The following OARD1 variants were observed in gnomAD, a reference collection of about 807,000 sequenced individuals.
OARD1 encodes the protein ADP-ribose glycohydrolase OARD1.
A neutral mutation model predicts 19.7 loss-of-function variants in OARD1; 19 were observed. The observed-to-expected ratio is 0.96, with a 90% confidence interval of 0.67 to 1.41. OARD1 has a LOEUF of 1.41. Among genes scored for constraint, OARD1 ranks in the 40% most tolerant of loss-of-function variants. The probability of loss-of-function intolerance (pLI) is 0.00; values close to 1 mark genes in which losing one functional copy is unlikely to be tolerated. For synonymous variants in OARD1, 70 were observed against 61.8 expected, an observed-to-expected ratio of 1.13 and a Z score of -0.62; for missense variants, 190 against 183.8, an observed-to-expected ratio of 1.03 and a Z score of -0.20.
chr6:41,070,398 A>G (rs1230043349), intron 3 of OARD1, among the ~76,000 whole-genome samples: 3 of 152,234 alleles, frequency 2.0e-5, no homozygotes, highest in African/African-American at 7.2e-5. Flanking sequence ...TTTTAAATAT[A>G]TCCTCATTTG....
At chr6:41,074,101 T>C (rs1763655484), upstream of OARD1, among the ~76,000 whole-genome samples, 1 of 152,226 alleles carries the variant, frequency 6.6e-6, no homozygotes. Context: ...TAGTACAGTT[T>C]TGGGGGTTTT....
At chr6:41,070,200 A>T (rs1217281825) in intron 3 of OARD1, 66 bp from the exon 4 acceptor site, 24 of 903,258 alleles carry the variant, frequency 2.7e-5, no homozygotes, top group South Asian at 4.3e-5. Flanking sequence ...TAAAGATTTT[A>T]AAATGTTTAC....
Position 41,071,256 on chromosome 6 carries a change from G to A in OARD1, c.60C>T (p.Asp20=). The change falls in exon 3 of 6, where the codon GAC becomes GAT. Residue 20 remains aspartate, a synonymous_variant. Coordinates refer to ENST00000424266, the MANE Select transcript of OARD1 (RefSeq NM_001329686.2). The part of the protein sequence containing the change: ...EGSRITYVKG[D]LFACPKTDSL... ...AGTCTGTTTTCGGGCATGCAAAAAG[G>A]TCTCCTTTCACATAAGTGATCTAAA... 6.2e-7 allele frequency: 1 copy of A among 1,614,082 alleles called. No individual in the cohort carries two copies. Among genetic ancestry groups the A allele is most frequent in the Admixed American group, 1.7e-5 (1 of 60,020 alleles).
At chr6:41,089,694 C>A (rs973567112) in intron 1 of OARD1, 5 of 1,612,464 alleles carry the variant, frequency 3.1e-6, no homozygotes, top group Non-Finnish European at 4.2e-6. Flanking sequence ...ACGGCTGTCA[C>A]TGCTGGCCAG....
At chr6:41,080,476 T>G (rs1763875480) in intron 1 of OARD1, among the ~76,000 whole-genome samples, 1 of 152,138 alleles carries the variant, frequency 6.6e-6, no homozygotes, top group Non-Finnish European at 1.5e-5. Flanking sequence ...TCTTGTGAAC[T>G]CATCTGAGGA....
intron 1 of OARD1, chr6:41,089,655 C>A: frequency 6.2e-7 from 1 of 1,612,660 alleles, no homozygotes; most frequent in Non-Finnish European, 8.5e-7. Context: ...CAGGGCCAGA[C>A]CCAGCAGATC....
rs9394761 is a variant in OARD1 at position 41,065,901 on chromosome 6, A to G, written c.*1434T>C. 1 of 152,164 alleles carries G rather than the reference A, an allele frequency of 6.6e-6. No individual in the cohort carries two copies. Among genetic ancestry groups the G allele is most frequent in the Non-Finnish European group, 1.5e-5 (1 of 68,036 alleles). 9.4% of individuals were successfully genotyped at this position (152,164 alleles called of 1,614,324 possible). On this transcript the variant is annotated 3_prime_UTR_variant, in exon 6 of 6. Coordinates refer to ENST00000424266, the MANE Select transcript of OARD1 (RefSeq NM_001329686.2). ...GCAAGTCTGGCTGTTTTAACTCTCAACACCACTGTAAGGGAAAACAAGAAA... is the reference window on the plus strand; with the variant it reads ...GCAAGTCTGGCTGTTTTAACTCTCAGCACCACTGTAAGGGAAAACAAGAAA...
chr6:41,090,422 CAAAA>C, intron 1 of OARD1: 2 of 449,550 alleles, frequency 4.4e-6, no homozygotes, highest in East Asian at 3.6e-5. Context: ...ATTTTTTGGA[CAAAA>C]AAAAAAAAGA....
rs1394360070 is a variant in OARD1 at position 41,071,587 on chromosome 6, G to A, written c.39+9C>T. On this transcript the variant is annotated intron_variant, in intron 2 of 5. Coordinates refer to ENST00000424266, the MANE Select transcript of OARD1 (RefSeq NM_001329686.2). ...TCAGTTCACCAATAAGTCAATAGTT[G>A]TTACGCACTCTGCTTCCTTCTGGAT... 1 of 1,608,596 alleles carries A rather than the reference G, an allele frequency of 6.2e-7. No individual in the cohort carries two copies. The highest frequency in any genetic ancestry group is 1.7e-5 in the Admixed American group (1 of 60,022).
rs1385678582 is a variant in OARD1 at position 41,080,879 on chromosome 6, A to G, written c.-41-9204T>C. On this transcript the variant is annotated intron_variant, in intron 1 of 4. Coordinates refer to the OARD1 transcript ENST00000480585. Reference sequence around the variant, plus strand: ...AGGTGGCATCCGCCTCAGGCCAGCAAGTCCAGACCCTCCAGGTAGTGGTAC... The same window carrying G: ...AGGTGGCATCCGCCTCAGGCCAGCAGGTCCAGACCCTCCAGGTAGTGGTAC... The G allele has an allele frequency of 1.9e-6, 3 of 1,614,018 alleles. No individual in the cohort carries two copies. In the East Asian group the frequency reaches 6.7e-5, roughly 36 times the overall value.
At position 41,065,859 on chromosome 6, in the gene OARD1, T is replaced by A. The variant is rs1363282826; in HGVS notation, c.*1476A>T. On this transcript the variant is annotated 3_prime_UTR_variant, in exon 6 of 6. Transcript: ENST00000424266. ...TCCTGTGACAGACCCAAAGTCACTC[T>A]AGGGAGAAAATCAATAGCAAGTCTG... The A allele has an allele frequency of 6.6e-6, 1 of 152,222 alleles. No homozygotes were observed. The highest frequency in any genetic ancestry group is 1.5e-5 in the Non-Finnish European group (1 of 68,042). 9.4% of individuals were successfully genotyped at this position (152,222 alleles called of 1,614,324 possible).
At chr6:41,080,014 T>C (rs1048871684) in intron 1 of OARD1, among the ~76,000 whole-genome samples, 1 of 152,216 alleles carries the variant, frequency 6.6e-6, no homozygotes, top group African/African-American at 2.4e-5. Flanking sequence ...GAGGAAGGGA[T>C]TCCACAAAGG....
chr6:41,065,503 T>A lies in OARD1; in HGVS notation c.*1832A>T, dbSNP rs1263071102. On this transcript the variant is annotated 3_prime_UTR_variant, in exon 6 of 6. Transcript: ENST00000424266. The stretch of plus-strand genomic sequence containing the variant: ...AGTTTCTTATCCCCCACTCTCACTT[T>A]CAATTTTGTGTATTTAGATAATCTC... 6.6e-6 allele frequency: 1 copy of A among 152,216 alleles called. No individual in the cohort carries two copies. The highest frequency in any genetic ancestry group is 1.5e-5 in the Non-Finnish European group (1 of 68,038). 9.4% of individuals were successfully genotyped at this position (152,216 alleles called of 1,614,324 possible).
intron 5 of OARD1, among the ~76,000 whole-genome samples, chr6:41,068,250 A>G (rs1253289274): frequency 6.6e-6 from 1 of 152,182 alleles, no homozygotes; most frequent in Non-Finnish European, 1.5e-5. Flanking sequence ...GGAAGAAAAG[A>G]GGTGAGGCCC....
chr6:41,072,809 G>C (rs951518230), upstream of OARD1: 2 of 153,100 alleles, frequency 1.3e-5, no homozygotes, highest in Non-Finnish European at 2.9e-5. Flanking sequence ...TGGGGGTGGT[G>C]TCAAAGCGGG....
At chr6:41,090,836 GGGA>G (rs1380683972) in intron 1 of OARD1, among the ~76,000 whole-genome samples, 1 of 152,230 alleles carries the variant, frequency 6.6e-6, no homozygotes, top group Non-Finnish European at 1.5e-5. Context: ...TGTTTGGTCT[GGGA>G]GGAGGAGTGC....
At position 41,065,668 on chromosome 6, in the gene OARD1, A is replaced by G. The variant is rs1762978365; in HGVS notation, c.*1667T>C. ...AAGAACTTGTCTGTTCCACCTAGAAATACAAAAGTGAAATACTTTTTTGAA... is the reference window on the plus strand; with the variant it reads ...AAGAACTTGTCTGTTCCACCTAGAAGTACAAAAGTGAAATACTTTTTTGAA... On this transcript the variant is annotated 3_prime_UTR_variant, in exon 6 of 6. Transcript: ENST00000424266. The G allele has an allele frequency of 6.6e-6, 1 of 152,242 alleles. No individual in the cohort carries two copies. Among genetic ancestry groups the G allele is most frequent in the Non-Finnish European group, 1.5e-5 (1 of 68,040 alleles). 9.4% of individuals were successfully genotyped at this position (152,242 alleles called of 1,614,324 possible). A position where few individuals can be genotyped will look rare whatever the true frequency, so the allele number is the denominator to read the frequency against.
intron 1 of OARD1, among the ~76,000 whole-genome samples, chr6:41,087,554 T>TA (rs760757194): frequency 6.6e-6 from 1 of 152,114 alleles, no homozygotes; most frequent in Non-Finnish European, 1.5e-5. Flanking sequence ...AATGCTCAAA[T>TA]AAAAAAAGTT....
At position 41,071,210 on chromosome 6, in the gene OARD1, C is replaced by A. The variant is rs1763355921; in HGVS notation, c.106G>T (p.Glu36Ter). ...ATCCCAGCGCCCATGCGACAATCCT[C>A]ACTGATACAGTGGGCTAAAGAGTCT... ...KTDSLAHCIS[E>*]DCRMGAGIAV... Residue 36 changes from glutamate to a stop codon, truncating the protein, a stop_gained, in exon 3 of 6, where the codon GAG (glutamate) becomes TAG (stop). Transcript: ENST00000424266. LOFTEE classifies it high-confidence loss of function. 2 of 1,614,046 alleles carry A rather than the reference C, an allele frequency of 1.2e-6. No homozygotes were observed. The highest frequency in any genetic ancestry group is 2.7e-5 in the African/African-American group (2 of 74,944).
Sources: allele counts gnomAD v4.1 joint callset (sites outside exome capture counted in the v4.1 genomes callset), GRCh38; gene constraint gnomAD v4.1.1; transcripts MANE v1.5; gene names NCBI Gene and HGNC (gene_info 2026-07-23, HGNC 2026-07-21).